SLIT1: variants seen among roughly 807,000 people sequenced by gnomAD.
The protein encoded by SLIT1 is slit homolog 1 protein.
In SLIT1, 66 loss-of-function variants were observed where a neutral mutation model predicts 186.1. That is an observed-to-expected ratio of 0.35 (90% CI 0.29 to 0.44). The LOEUF is 0.44. Ranked by LOEUF, SLIT1 falls within the 20% of genes least tolerant of loss-of-function variation. The pLI, the probability that SLIT1 is intolerant of heterozygous loss-of-function variation, is 1.00. For missense variants in SLIT1, 1,638 were observed against 2,037.4 expected (o/e 0.80, Z 3.77); for synonymous variants, 761 against 833.8 (o/e 0.91, Z 1.50).
At chr10:97,012,444 G>C (rs966861352) in intron 30 of SLIT1, among the ~76,000 whole-genome samples, 4 of 152,222 alleles carry the variant, frequency 2.6e-5, no homozygotes, top group South Asian at 4.1e-4. Flanking sequence ...CACCAGGACA[G>C]GCAGTTGAGA....
intron 4 of SLIT1, among the ~76,000 whole-genome samples, chr10:97,135,894 A>C (rs532064580): frequency 6.6e-6 from 1 of 152,252 alleles, no homozygotes; most frequent in South Asian, 2.1e-4. Flanking sequence ...CCAGGAGCTG[A>C]CACACTGTGC....
At chr10:97,170,761 A>T (rs997147331) in intron 1 of SLIT1, among the ~76,000 whole-genome samples, 2 of 152,246 alleles carry the variant, frequency 1.3e-5, no homozygotes, top group Admixed American at 1.3e-4. Context: ...AAGCAAAGTT[A>T]CTAAGGGAAA....
rs781000848 is a variant in SLIT1 at position 97,042,942 on chromosome 10, G to C, written c.2123C>G (p.Pro708Arg). The change falls in exon 20 of 37, where the codon CCC (proline) becomes CGC (arginine). Residue 708 changes from proline to arginine, a missense_variant. Coordinates refer to ENST00000266058, the MANE Select transcript of SLIT1 (RefSeq NM_003061.3). Reference sequence around the variant, plus strand: ...GTCAGGGAAGGCCACGTCCTGCAGGGGAATCTGCCGCAAAAAGTCAGGGTT... The same window carrying C: ...GTCAGGGAAGGCCACGTCCTGCAGGCGAATCTGCCGCAAAAAGTCAGGGTT... ...CQNPDFLRQIPLQDVAFPDFR... is the reference protein window; with the variant it reads ...CQNPDFLRQIRLQDVAFPDFR... The C allele has an allele frequency of 1.2e-6, 2 of 1,614,220 alleles. No individual in the cohort carries two copies. Among genetic ancestry groups the C allele is most frequent in the Non-Finnish European group, 1.7e-6 (2 of 1,180,050 alleles).
chr10:97,120,095 G>A (rs905599114), intron 4 of SLIT1, among the ~76,000 whole-genome samples: 22 of 151,810 alleles, frequency 1.4e-4, no homozygotes, highest in African/African-American at 5.3e-4. Context: ...ACCCAAAGAA[G>A]TTTTAGCTCC....
chr10:97,008,568 T>G (rs1848381806), intron 31 of SLIT1, among the ~76,000 whole-genome samples: 4 of 152,008 alleles, frequency 2.6e-5, no homozygotes, highest in African/African-American at 9.7e-5. Context: ...TGGTGGCACA[T>G]GCCTATAATC....
intron 4 of SLIT1, 120 bp downstream of exon 4, chr10:97,157,698 G>T: frequency 1.3e-6 from 1 of 755,944 alleles, no homozygotes. Flanking sequence ...TCCTGCCAGG[G>T]GAGGAGCACA....
rs1848334942 is a variant in SLIT1 at position 97,003,921 on chromosome 10, C to G, written c.3865+147G>C. The G allele has an allele frequency of 5.6e-6, 4 of 718,278 alleles. No homozygotes were observed. In the South Asian group the frequency reaches 7.5e-5, roughly 13 times the overall value. The allele number at this position is 718,278 out of a possible 1,614,324, so 44.5% of individuals were successfully genotyped here. A position where few individuals can be genotyped will look rare whatever the true frequency, so the allele number is the denominator to read the frequency against. ...AGGCAGAGAGCAGCTGGGCTCCAGGCAGCGAGGCCAGTCCACCTGCAGCTT... is the reference window on the plus strand; with the variant it reads ...AGGCAGAGAGCAGCTGGGCTCCAGGGAGCGAGGCCAGTCCACCTGCAGCTT... On this transcript the variant is annotated intron_variant, in intron 34 of 36. Transcript: ENST00000266058.
chr10:97,052,613 T>C (rs1183818327), intron 13 of SLIT1, among the ~76,000 whole-genome samples: 1 of 152,228 alleles, frequency 6.6e-6, no homozygotes, highest in African/African-American at 2.4e-5. Flanking sequence ...GTGAACTTTA[T>C]GGCATGTAAG....
At chr10:97,032,098 T>TGC (rs1050122925) in intron 23 of SLIT1, among the ~76,000 whole-genome samples, 2 of 152,216 alleles carry the variant, frequency 1.3e-5, no homozygotes, top group Non-Finnish European at 2.9e-5. Context: ...GACACCTGAC[T>TGC]GCGGGGAGCT....
At chr10:97,157,312 T>C (rs1235633556) in intron 4 of SLIT1, 1 of 152,970 alleles carries the variant, frequency 6.5e-6, no homozygotes, top group Non-Finnish European at 1.5e-5. Flanking sequence ...TCCTTCGAAC[T>C]TGAAAGAAGT....
At chr10:97,111,635 T>C (rs1430415965) in intron 4 of SLIT1, among the ~76,000 whole-genome samples, 1 of 152,216 alleles carries the variant, frequency 6.6e-6, no homozygotes, top group Non-Finnish European at 1.5e-5. Context: ...CCAACACATA[T>C]TTATAAATAT....
intron 4 of SLIT1, among the ~76,000 whole-genome samples, chr10:97,119,931 A>G (rs181795727): frequency 5.3e-5 from 7 of 132,924 alleles, no homozygotes; most frequent in African/African-American, 2.0e-4. Context: ...ATATATATAT[A>G]TATATATATA....
rs1850408435 is a variant in SLIT1, at chr10:97,185,863, A to C, written c.-189T>G. ...ACGGCGCCTGTGCGCGGACGGAGGG[A>C]GGGCGCCTTGGGCGGAGGGGGCTCG... On this transcript the variant is annotated 5_prime_UTR_variant, in exon 1 of 37. Transcript: ENST00000266058. The C allele has an allele frequency of 3.8e-6, 2 of 520,108 alleles. No individual in the cohort carries two copies. The highest frequency in any genetic ancestry group is 6.5e-6 in the Non-Finnish European group (2 of 306,362). 32.2% of individuals were successfully genotyped at this position (520,108 alleles called of 1,614,324 possible).
rs767760876 is a variant in SLIT1 at position 97,157,824 on chromosome 10, G to A, written c.407C>T (p.Ser136Leu). The A allele has an allele frequency of 1.2e-6, 2 of 1,613,270 alleles. No individual in the cohort carries two copies. The highest frequency in any genetic ancestry group is 1.7e-6 in the Non-Finnish European group (2 of 1,179,174). ...ELLFQNNQAL[S>L]RLDLSENAIQ... ...GCCACAGAGCGTCACTCACAGTCTT[G>A]ACAAAGCCTGGTTGTTCTGGAACAG... The change falls in exon 4 of 37, where the codon TCA becomes TTA. Residue 136 changes from serine (S) to leucine (L), a missense_variant. Ser to Leu is a moderately radical substitution (Grantham distance 145, BLOSUM62 -2). Transcript: ENST00000266058.
intron 12 of SLIT1, 80 bp from the exon 13 acceptor site, chr10:97,056,544 G>A: frequency 6.9e-7 from 1 of 1,447,610 alleles, no homozygotes; most frequent in Admixed American, 1.8e-5. Flanking sequence ...ACCTTCTTCA[G>A]TCCCGGCCTG....
chr10:97,152,484 T>C (rs374844470), intron 4 of SLIT1, among the ~76,000 whole-genome samples: 18 of 152,320 alleles, frequency 1.2e-4, no homozygotes, highest in South Asian at 6.2e-4. Context: ...ACAGTGTTCA[T>C]GTCTGACACA....
At chr10:97,057,729 C>T (rs1026030132) in intron 11 of SLIT1, 8 of 446,228 alleles carry the variant, frequency 1.8e-5, no homozygotes, top group Non-Finnish European at 2.4e-5. Flanking sequence ...GTGTGAGATC[C>T]GGATGGTGGG....
chr10:97,118,587 C>A (rs1388067010), intron 4 of SLIT1, among the ~76,000 whole-genome samples: 2 of 152,196 alleles, frequency 1.3e-5, no homozygotes, highest in African/African-American at 4.8e-5. Context: ...TATGACCAAA[C>A]CTGTTCTCAC....
chr10:97,103,702 A>G (rs922711881), intron 4 of SLIT1: 5 of 152,200 alleles, frequency 3.3e-5, no homozygotes, highest in African/African-American at 1.2e-4. Flanking sequence ...TAACAAAAAC[A>G]TTGTTCAAAA....
Sources: allele counts gnomAD v4.1 joint callset (sites outside exome capture counted in the v4.1 genomes callset), GRCh38; gene constraint gnomAD v4.1.1; transcripts MANE v1.5; gene names NCBI Gene and HGNC (gene_info 2026-07-23, HGNC 2026-07-21).